LONP2: variants seen among roughly 807,000 people sequenced by gnomAD.
LONP2 encodes lon peptidase 2, peroxisomal.
Under a neutral mutation model 85.6 loss-of-function variants are expected in LONP2, and 60 were observed. The ratio of observed to expected loss-of-function variants is 0.70; its 90% CI spans 0.57 to 0.87. The LOEUF (loss-of-function observed/expected upper bound fraction) is 0.87, where lower values mean the gene tolerates loss of function less well. Among genes scored for constraint, LONP2 ranks in the 40% least tolerant of loss-of-function variants. The pLI, the probability that LONP2 is intolerant of heterozygous loss-of-function variation, is 0.00. For synonymous variants in LONP2, 395 were observed against 389.7 expected (o/e 1.01, Z -0.16); for missense variants, 860 against 1,063.5 (o/e 0.81, Z 2.66).
intron 3 of LONP2, 127 bp downstream of exon 3, chr16:48,256,868 C>T: frequency 1.3e-6 from 1 of 795,588 alleles, no homozygotes. Flanking sequence ...AATGCTTTTA[C>T]ATTTAAACTG....
At chr16:48,333,627 C>CA (rs1959537821) in intron 11 of LONP2, among the ~76,000 whole-genome samples, 1 of 140,406 alleles carries the variant, frequency 7.1e-6, no homozygotes, top group Non-Finnish European at 1.5e-5. Context: ...GTGTTCACAC[C>CA]AGTGCACTAG....
At chr16:48,325,201 T>C (rs1461239121) in intron 11 of LONP2, among the ~76,000 whole-genome samples, 1 of 152,122 alleles carries the variant, frequency 6.6e-6, no homozygotes, top group Admixed American at 6.5e-5. Context: ...TGAGCTCCTA[T>C]GAGAATCTAA....
chr16:48,317,812 G>A (rs908239582), intron 11 of LONP2, among the ~76,000 whole-genome samples: 5 of 152,210 alleles, frequency 3.3e-5, no homozygotes, highest in Non-Finnish European at 2.9e-5. Context: ...TAGATTCCTT[G>A]AGCCCCCTGC....
chr16:48,310,700 T>C (rs1227326007), intron 11 of LONP2, among the ~76,000 whole-genome samples: 1 of 152,200 alleles, frequency 6.6e-6, no homozygotes, highest in African/African-American at 2.4e-5. Flanking sequence ...TGTGGTCTTC[T>C]GGAGTTCTGT....
intron 11 of LONP2, among the ~76,000 whole-genome samples, chr16:48,308,308 C>A (rs979776243): frequency 3.9e-5 from 6 of 152,040 alleles, no homozygotes; most frequent in Non-Finnish European, 8.8e-5. Flanking sequence ...TGAAACTGAA[C>A]CACTCTCTCT....
intron 11 of LONP2, among the ~76,000 whole-genome samples, chr16:48,325,147 C>T (rs944078927): frequency 6.6e-6 from 1 of 152,178 alleles, no homozygotes; most frequent in Admixed American, 6.5e-5. Context: ...GGAGCACCCA[C>T]CCTACATCCC....
intron 12 of LONP2, 73 bp from the exon 13 acceptor site, chr16:48,347,434 C>A: frequency 1.4e-6 from 2 of 1,465,894 alleles, no homozygotes; most frequent in South Asian, 1.1e-5. Flanking sequence ...TCAGCCGACT[C>A]TTGCAGGATT....
rs890871458 is a variant in LONP2, at chr16:48,356,086, G to A, written c.*4284G>A. On this transcript the variant is annotated 3_prime_UTR_variant, in exon 15 of 15. Coordinates refer to ENST00000285737, the MANE Select transcript of LONP2 (RefSeq NM_031490.5). The stretch of plus-strand genomic sequence containing the variant: ...GGCAGAGATCCTTACTTGCTTGGTG[G>A]TTACAAATGCAAATACAGTGAAGAA... The A allele has an allele frequency of 6.6e-6, 1 of 152,134 alleles. No individual in the cohort carries two copies. The highest frequency in any genetic ancestry group is 2.4e-5 in the African/African-American group (1 of 41,412). The allele number at this position is 152,134 out of a possible 1,614,324, so 9.4% of individuals were successfully genotyped here. A position where few individuals can be genotyped will look rare whatever the true frequency, so the allele number is the denominator to read the frequency against.
At chr16:48,265,705 C>T (rs912305827) in intron 6 of LONP2, among the ~76,000 whole-genome samples, 36 of 152,178 alleles carry the variant, frequency 2.4e-4, no homozygotes, top group African/African-American at 8.4e-4. Context: ...TATTCAGGGT[C>T]TTTTGTAATT....
At chr16:48,291,400 G>A (rs1972554338) in intron 8 of LONP2, among the ~76,000 whole-genome samples, 1 of 152,210 alleles carries the variant, frequency 6.6e-6, no homozygotes, top group Non-Finnish European at 1.5e-5. Flanking sequence ...TGAACTCTAT[G>A]TAATCTATTC....
At chr16:48,283,202 A>G (rs980280903) in intron 8 of LONP2, among the ~76,000 whole-genome samples, 1 of 152,230 alleles carries the variant, frequency 6.6e-6, no homozygotes, top group Non-Finnish European at 1.5e-5. Flanking sequence ...TCTACAACAT[A>G]AAGTGCAAAG....
chr16:48,362,420 A>T lies in LONP2; in HGVS notation c.*557A>T, dbSNP rs1191871776. 6.2e-7 allele frequency: 1 copy of T among 1,614,076 alleles called. No individual in the cohort carries two copies. The highest frequency in any genetic ancestry group is 1.7e-5 in the Admixed American group (1 of 60,016). On this transcript the variant is annotated 3_prime_UTR_variant, in exon 5 of 5. Transcript: ENST00000565867. This position sits in a 1 kb window ranked among gnomAD's most constrained non-coding sequence, Gnocchi z 4.2. ...CGGTAGGTAATGCTGTAGCAGTCTG[A>T]CGGCTCATTTCTGAAATAAATACAT...
At chr16:48,357,668 G>A (rs1960425921), downstream of LONP2, among the ~76,000 whole-genome samples, 1 of 152,156 alleles carries the variant, frequency 6.6e-6, no homozygotes, top group Non-Finnish European at 1.5e-5. Context: ...TTCTAATCAG[G>A]AGTGTGAATG....
chr16:48,308,079 C>T (rs1972949426), intron 11 of LONP2, among the ~76,000 whole-genome samples: 1 of 152,164 alleles, frequency 6.6e-6, no homozygotes, highest in African/African-American at 2.4e-5. Flanking sequence ...TAGGTCCCTC[C>T]TCCAACATTG....
At chr16:48,340,366 C>T (rs1023911440) in intron 12 of LONP2, among the ~76,000 whole-genome samples, 5 of 152,172 alleles carry the variant, frequency 3.3e-5, no homozygotes, top group Non-Finnish European at 7.3e-5. Context: ...ATACTAATTT[C>T]TGCAACTACC....
At chr16:48,298,741 G>A (rs1252492199) in intron 9 of LONP2, among the ~76,000 whole-genome samples, 1 of 150,792 alleles carries the variant, frequency 6.6e-6, no homozygotes, top group Admixed American at 6.6e-5. Context: ...AGGATTTGAG[G>A]ATAAAGAGAT....
chr16:48,311,521 T>C (rs1973031279), intron 11 of LONP2, among the ~76,000 whole-genome samples: 1 of 152,082 alleles, frequency 6.6e-6, no homozygotes, highest in African/African-American at 2.4e-5. Context: ...GGTTTTCTTT[T>C]TAAAATACCT....
chr16:48,297,207 A>G (rs1402658312), intron 9 of LONP2, among the ~76,000 whole-genome samples: 1 of 152,182 alleles, frequency 6.6e-6, no homozygotes, highest in East Asian at 1.9e-4. Context: ...CATGTTGGCC[A>G]GTCTGGCCTC....
chr16:48,255,292 G>A (rs1971735457), intron 2 of LONP2, among the ~76,000 whole-genome samples: 5 of 152,148 alleles, frequency 3.3e-5, no homozygotes, highest in Admixed American at 3.3e-4. Context: ...TATCTCTAAG[G>A]CAGGAAAAGG....
Sources: allele counts gnomAD v4.1 joint callset (sites outside exome capture counted in the v4.1 genomes callset), GRCh38; gene constraint gnomAD v4.1.1; non-coding constraint Gnocchi (gnomAD v3.1); transcripts MANE v1.5; gene names NCBI Gene and HGNC (gene_info 2026-07-23, HGNC 2026-07-21).